SGSM3: variants seen among roughly 807,000 people sequenced by gnomAD.
SGSM3 encodes the protein small G protein signaling modulator 3, also known as RUN and SH3 containing 3.
In SGSM3, 96 loss-of-function variants were observed where a neutral mutation model predicts 100.5. That is an observed-to-expected ratio of 0.96 (90% CI 0.81 to 1.13). The LOEUF (loss-of-function observed/expected upper bound fraction) is 1.13. Ranked by LOEUF, SGSM3 falls within the 50% of genes most tolerant of loss-of-function variation. The pLI is 0.00. For synonymous variants in SGSM3, 483 were observed against 422.8 expected, an observed-to-expected ratio of 1.14 and a Z score of -1.75; for missense variants, 1,001 against 1,015.8, an observed-to-expected ratio of 0.99 and a Z score of 0.20.
At position 40,410,010 on chromosome 22, in the gene SGSM3, G is replaced by GA; in HGVS notation, c.*252dup. On this transcript the variant is annotated 3_prime_UTR_variant, in exon 22 of 22. Coordinates refer to ENST00000248929, the MANE Select transcript of SGSM3 (RefSeq NM_015705.6). ...CCAAAAACCTTGTGAGGAGGTGGGG[G>GA]AGCCATGTCTGTGCTCAGGAAGAGG... 7.5e-7 allele frequency: 1 copy of GA among 1,336,926 alleles called. No individual in the cohort carries two copies. The highest frequency in any genetic ancestry group is 9.5e-7 in the Non-Finnish European group (1 of 1,049,870). The allele number at this position is 1,336,926 out of a possible 1,614,324, so 82.8% of individuals were successfully genotyped here. A position where few individuals can be genotyped will look rare whatever the true frequency, so the allele number is the denominator to read the frequency against.
At chr22:40,395,536 G>A (rs933934165) in intron 1 of SGSM3, among the ~76,000 whole-genome samples, 1 of 152,060 alleles carries the variant, frequency 6.6e-6, no homozygotes, top group African/African-American at 2.4e-5. Flanking sequence ...TGGCCAGGTT[G>A]GTCTCGAACT....
At chr22:40,376,783 G>T (rs902187979) in intron 1 of SGSM3, among the ~76,000 whole-genome samples, 1 of 151,730 alleles carries the variant, frequency 6.6e-6, no homozygotes, top group Non-Finnish European at 1.5e-5. Flanking sequence ...ATAGTTTTTT[G>T]TTTTTTTTAA....
At chr22:40,386,148 G>T (rs1176973538) in intron 1 of SGSM3, among the ~76,000 whole-genome samples, 1 of 151,472 alleles carries the variant, frequency 6.6e-6, no homozygotes, top group East Asian at 2.0e-4. Context: ...CCAGAGTGCT[G>T]GGATCACAAA....
Position 40,405,796 on chromosome 22 carries a change from G to GTCCA in SGSM3, c.767_770dup (p.Gln257HisfsTer15), listed in dbSNP as rs751495883. 1.2e-6 allele frequency: 2 copies of GTCCA among 1,613,428 alleles called. No individual in the cohort carries two copies. The highest frequency in any genetic ancestry group is 2.7e-5 in the African/African-American group (2 of 74,932). ...CCAGCGGGTCCTGCGCCACCTCATT[G>GTCCA]TCCAGTACCTGCCTCGCCTGGACAA... On this transcript the variant is annotated frameshift_variant, in exon 8 of 22. Coordinates refer to ENST00000248929, the MANE Select transcript of SGSM3 (RefSeq NM_015705.6). LOFTEE classifies it high-confidence loss of function.
chr22:40,394,412 C>G (rs993498492), intron 1 of SGSM3, among the ~76,000 whole-genome samples: 5 of 152,186 alleles, frequency 3.3e-5, no homozygotes, highest in African/African-American at 1.2e-4. Flanking sequence ...CTTTGGGAGG[C>G]TGAGGCGGGT....
chr22:40,406,251 G>C (rs1791808604), intron 9 of SGSM3, 28 bp downstream of exon 9: 1 of 1,612,396 alleles, frequency 6.2e-7, no homozygotes, highest in Non-Finnish European at 8.5e-7. Flanking sequence ...TTCAGGCTGA[G>C]GAGTAGGCAC....
At position 40,406,059 on chromosome 22, in the gene SGSM3, T is replaced by G. The variant is rs781395018; in HGVS notation, c.815-19T>G. On this transcript the variant is annotated intron_variant, in intron 8 of 21. Transcript: ENST00000248929. ...TTCCACCACCTCCTCCCCAGCGGCTTTGGCTCCTGTGTTTACAGAGCTGTC... is the reference window on the plus strand; with the variant it reads ...TTCCACCACCTCCTCCCCAGCGGCTGTGGCTCCTGTGTTTACAGAGCTGTC... 1 of 1,609,000 alleles carries G rather than the reference T, an allele frequency of 6.2e-7. No individual in the cohort carries two copies. The highest frequency in any genetic ancestry group is 8.5e-7 in the Non-Finnish European group (1 of 1,176,066).
chr22:40,405,980 C>T, intron 8 of SGSM3, 98 bp from the exon 9 acceptor site: 1 of 1,511,176 alleles, frequency 6.6e-7, no homozygotes, highest in South Asian at 1.2e-5. Flanking sequence ...CTGCCCCCTC[C>T]CCTCCTTTGC....
At position 40,409,814 on chromosome 22, in the gene SGSM3, A is replaced by C; in HGVS notation, c.*55A>C. ...TGCGTCTGAGGTGGCCCAGGACCCC[A>C]AGCTGCAGAGCCCAGGGAAGAGCAG... is the stretch of plus-strand genomic sequence containing the variant. On this transcript the variant is annotated 3_prime_UTR_variant, in exon 22 of 22. Transcript: ENST00000248929. 1 of 1,576,568 alleles carries C rather than the reference A, an allele frequency of 6.3e-7. No homozygotes were observed. Among genetic ancestry groups the C allele is most frequent in the East Asian group, 2.2e-5 (1 of 44,516 alleles).
Position 40,405,298 on chromosome 22 carries a change from C to T in SGSM3, c.618+14C>T, listed in dbSNP as rs774447657. Reference sequence around the variant, plus strand: ...GGCACCGGCATGGTGAGCACAGCCCCAGAAAGGGCAGTGGCAGCCCCAGGA... The same window carrying T: ...GGCACCGGCATGGTGAGCACAGCCCTAGAAAGGGCAGTGGCAGCCCCAGGA... On this transcript the variant is annotated intron_variant, in intron 7 of 21. Transcript: ENST00000248929. 6.8e-7 allele frequency: 1 copy of T among 1,479,026 alleles called. No homozygotes were observed. The highest frequency in any genetic ancestry group is 9.0e-7 in the Non-Finnish European group (1 of 1,114,160). 91.6% of individuals were successfully genotyped at this position (1,479,026 alleles called of 1,614,324 possible).
chr22:40,375,726 A>G (rs984851843), intron 1 of SGSM3, among the ~76,000 whole-genome samples: 1 of 151,510 alleles, frequency 6.6e-6, no homozygotes, highest in African/African-American at 2.4e-5. Flanking sequence ...CTAGATATCT[A>G]ATTAGCCTGC....
chr22:40,404,069 A>G (rs997288068), intron 4 of SGSM3, 178 bp from the exon 5 acceptor site: 2 of 472,422 alleles, frequency 4.2e-6, no homozygotes, highest in Non-Finnish European at 3.7e-6. Context: ...CATGGGGTAC[A>G]TGTTAGAGGC....
intron 9 of SGSM3, 41 bp from the exon 10 acceptor site, chr22:40,406,397 A>C: frequency 6.6e-7 from 1 of 1,521,252 alleles, no homozygotes; most frequent in Non-Finnish European, 8.9e-7. Context: ...CGTCCCTGCA[A>C]TGACAACCTT....
At chr22:40,400,863 G>T in intron 2 of SGSM3, 50 bp downstream of exon 2, 2 of 1,496,536 alleles carry the variant, frequency 1.3e-6, no homozygotes, top group Non-Finnish European at 1.8e-6. Flanking sequence ...TCTCACAGAG[G>T]AGCCAGAGGG....
At chr22:40,403,702 GTC>G (rs1238484662) in intron 4 of SGSM3, among the ~76,000 whole-genome samples, 1 of 152,234 alleles carries the variant, frequency 6.6e-6, no homozygotes, top group African/African-American at 2.4e-5. Context: ...TTGGCTTTAA[GTC>G]TCAGCTCTGA....
At chr22:40,402,301 T>G in intron 4 of SGSM3, 96 bp downstream of exon 4, 1 of 913,526 alleles carries the variant, frequency 1.1e-6, no homozygotes, top group Non-Finnish European at 1.8e-6. Context: ...ATGGCTGAGC[T>G]CTGATGCGTC....
In SGSM3 at chr22:40,407,342, T is replaced by A. The variant is rs1284247237; in HGVS notation, c.1368+14T>A. On this transcript the variant is annotated intron_variant, in intron 12 of 21. Transcript: ENST00000248929. This position sits in a 1 kb window ranked among gnomAD's most constrained non-coding sequence, Gnocchi z 4.7. Reference sequence around the variant, plus strand: ...AACTGCAGCGTGGTGAGTCGCCAGCTCCCTGGGCTGCTACCAAACACGGCC... The same window carrying A: ...AACTGCAGCGTGGTGAGTCGCCAGCACCCTGGGCTGCTACCAAACACGGCC... 1 of 1,613,076 alleles carries A rather than the reference T, an allele frequency of 6.2e-7. No homozygotes were observed. Among genetic ancestry groups the A allele is most frequent in the Non-Finnish European group, 8.5e-7 (1 of 1,179,822 alleles).
chr22:40,404,777 A>G, intron 6 of SGSM3, 113 bp downstream of exon 6: 1 of 753,960 alleles, frequency 1.3e-6, no homozygotes, highest in South Asian at 1.6e-5. Flanking sequence ...AGGGGAGGAT[A>G]TTTGCTCCTT....
Position 40,409,819 on chromosome 22 carries a change from GCAGAGCCCAGGGAAGAGCAGCTC to G in SGSM3, c.*69_*91del, listed in dbSNP as rs780226911. ...CTGAGGTGGCCCAGGACCCCAAGCTGCAGAGCCCAGGGAAGAGCAGCTCCAGAGCCCTGGCCGGGGCCGCGGGA... is the reference window on the plus strand; with the variant it reads ...CTGAGGTGGCCCAGGACCCCAAGCTGCAGAGCCCTGGCCGGGGCCGCGGGA... On this transcript the variant is annotated 3_prime_UTR_variant, in exon 22 of 22. Coordinates refer to ENST00000248929, the MANE Select transcript of SGSM3 (RefSeq NM_015705.6). 9.5e-6 allele frequency: 15 copies of G among 1,574,544 alleles called. No homozygotes were observed. Among genetic ancestry groups the G allele is most frequent in the East Asian group, 2.2e-5 (1 of 44,482 alleles).
Sources: gnomAD v4.1 joint callset for allele counts (sites outside exome capture counted in the v4.1 genomes callset) on GRCh38, gnomAD v4.1.1 for gene constraint, Gnocchi (gnomAD v3.1) non-coding constraint, MANE v1.5 for transcripts, NCBI Gene and HGNC (gene_info 2026-07-23, HGNC 2026-07-21) for gene names.